Variants in ZNF804B observed in about 807,000 individuals in gnomAD.
ZNF804B encodes zinc finger 804B.
ZNF804B carries 80 observed loss-of-function variants against 101.4 expected under a neutral mutation model. The ratio of observed to expected loss-of-function variants is 0.79; its 90% CI spans 0.66 to 0.95. The LOEUF (loss-of-function observed/expected upper bound fraction) is 0.95. ZNF804B is among the 40% of genes least tolerant of loss of function. The pLI, the probability that ZNF804B is intolerant of heterozygous loss-of-function variation, is 0.00. For synonymous variants in ZNF804B, 622 were observed against 558.8 expected, an observed-to-expected ratio of 1.11 and a Z score of -1.59; for missense variants, 1,673 against 1,561.9, an observed-to-expected ratio of 1.07 and a Z score of -1.20.
At chr7:89,257,271 C>T (rs1257732617) in intron 2 of ZNF804B, among the ~76,000 whole-genome samples, 1 of 152,116 alleles carries the variant, frequency 6.6e-6, no homozygotes, top group Non-Finnish European at 1.5e-5. Context: ...TATCCTTCCA[C>T]GAATTTTTTA....
chr7:88,841,753 C>T (rs1791295427), intron 1 of ZNF804B, among the ~76,000 whole-genome samples: 1 of 152,118 alleles, frequency 6.6e-6, no homozygotes, highest in South Asian at 2.1e-4. Flanking sequence ...TGCTCTCAAA[C>T]CTCACAGTTT....
intron 2 of ZNF804B, among the ~76,000 whole-genome samples, chr7:89,298,652 G>C (rs1790430345): frequency 6.6e-6 from 1 of 151,590 alleles, no homozygotes. Context: ...TTCCTGTGTT[G>C]ACAGCTGTTT....
chr7:88,890,793 A>G (rs956699809), intron 1 of ZNF804B, among the ~76,000 whole-genome samples: 53 of 152,234 alleles, frequency 3.5e-4, no homozygotes, highest in African/African-American at 1.3e-3. Context: ...CAATTTATTC[A>G]TTTTATTATA....
chr7:88,908,965 C>T (rs1792510954), intron 1 of ZNF804B, among the ~76,000 whole-genome samples: 1 of 151,710 alleles, frequency 6.6e-6, no homozygotes, highest in African/African-American at 2.4e-5. Flanking sequence ...ATATATACCA[C>T]TGCAGATGTG....
At chr7:89,169,889 G>A (rs937413586) in intron 1 of ZNF804B, among the ~76,000 whole-genome samples, 6 of 152,098 alleles carry the variant, frequency 3.9e-5, no homozygotes, top group African/African-American at 7.2e-5. Flanking sequence ...CACCTCATCC[G>A]AGCTCTAGAT....
At chr7:89,149,682 T>C (rs1230838922) in intron 1 of ZNF804B, among the ~76,000 whole-genome samples, 1 of 151,928 alleles carries the variant, frequency 6.6e-6, no homozygotes, top group East Asian at 1.9e-4. Flanking sequence ...TCTATTTTCA[T>C]TGTAAGTACT....
At position 89,318,778 on chromosome 7, in the gene ZNF804B, G is replaced by C. The variant is rs114912595; in HGVS notation, c.250-8566G>C. Among the ~76,000 whole-genome samples the C allele has an allele frequency of 7.9e-3, 1,201 of 152,132 alleles. 12 individuals carry two copies. Among genetic ancestry groups the C allele is most frequent in the African/African-American group, 0.028 (1,148 of 41,512 alleles). ...CTCCATTGCTGAGACCAGCTCATTC[G>C]GAGAGACTCTAACCCAGCGGCGCTA... is the stretch of plus-strand genomic sequence containing the variant. On this transcript the variant is annotated intron_variant, in intron 2 of 3. Coordinates refer to ENST00000333190, the MANE Select transcript of ZNF804B (RefSeq NM_181646.5).
At position 89,336,320 on chromosome 7, in the gene ZNF804B, A is replaced by G. The variant is rs748457652; in HGVS notation, c.3338A>G (p.Asn1113Ser). ...ATGCATATAAATCATGTAGAGGGAA[A>G]TATAAACTCTTACTATGACAGAACT... ...VSMHINHVEG[N>S]INSYYDRTMQ... is the part of the protein sequence containing the mutation. Residue 1113 changes from asparagine to serine, a missense_variant, in exon 4 of 4, where the codon AAT becomes AGT. Asn to Ser is a conservative substitution (Grantham distance 46, BLOSUM62 1). Coordinates refer to ENST00000333190, the MANE Select transcript of ZNF804B (RefSeq NM_181646.5). 5.0e-6 allele frequency: 8 copies of G among 1,613,870 alleles called. No individual in the cohort carries two copies.
At chr7:89,129,466 C>G (rs780091607) in intron 1 of ZNF804B, among the ~76,000 whole-genome samples, 1 of 151,894 alleles carries the variant, frequency 6.6e-6, no homozygotes, top group African/African-American at 2.4e-5. Context: ...TGTGCACTTC[C>G]CAAGCAACCT....
chr7:89,107,432 T>C (rs1311288652), intron 1 of ZNF804B, among the ~76,000 whole-genome samples: 1 of 152,148 alleles, frequency 6.6e-6, no homozygotes, highest in African/African-American at 2.4e-5. Flanking sequence ...TTTTCCAGCT[T>C]TCCTATTTCA....
At chr7:88,939,805 G>T (rs1203788231) in intron 1 of ZNF804B, among the ~76,000 whole-genome samples, 1 of 151,458 alleles carries the variant, frequency 6.6e-6, no homozygotes, top group Non-Finnish European at 1.5e-5. Flanking sequence ...CATTGCTAAA[G>T]TGGGTCAGTA....
chr7:89,035,434 T>TA (rs886550462), intron 1 of ZNF804B, among the ~76,000 whole-genome samples: 2 of 152,030 alleles, frequency 1.3e-5, no homozygotes, highest in South Asian at 2.1e-4. Context: ...TGGTGTATTT[T>TA]AAAAAAATCA....
At chr7:89,121,159 A>G (rs7787455) in intron 1 of ZNF804B, among the ~76,000 whole-genome samples, 115,807 of 152,080 alleles carry the variant, frequency 0.76, 44,911 homozygotes, top group African/African-American at 0.92. Flanking sequence ...AGGCTTTATG[A>G]CACATTGGTA....
At position 89,335,730 on chromosome 7, in the gene ZNF804B, A is replaced by C; in HGVS notation, c.2748A>C (p.Ala916=). The stretch of plus-strand genomic sequence containing the variant: ...CAGAAACCACAGAATCAAACACTGC[A>C]GAAGGAGAGAGGACCCCTCTAACAG... The part of the protein sequence containing the change: ...GPSETTESNT[A]EGERTPLTAK... The change falls in exon 4 of 4, where the codon GCA becomes GCC. Residue 916 remains alanine, a synonymous_variant. Coordinates refer to ENST00000333190, the MANE Select transcript of ZNF804B (RefSeq NM_181646.5). 6.2e-7 allele frequency: 1 copy of C among 1,614,096 alleles called. No individual in the cohort carries two copies. The highest frequency in any genetic ancestry group is 8.5e-7 in the Non-Finnish European group (1 of 1,179,982).
intron 1 of ZNF804B, among the ~76,000 whole-genome samples, chr7:88,823,195 A>G (rs564563069): frequency 1.3e-5 from 2 of 152,300 alleles, no homozygotes; most frequent in East Asian, 3.9e-4. Context: ...CGACAGGGTG[A>G]GACTGTCTAA....
intron 1 of ZNF804B, among the ~76,000 whole-genome samples, chr7:88,925,716 G>T (rs541800956): frequency 6.6e-6 from 1 of 152,172 alleles, no homozygotes; most frequent in African/African-American, 2.4e-5. Flanking sequence ...TGCAGCAGCC[G>T]GCTTTGTAGG....
intron 3 of ZNF804B, among the ~76,000 whole-genome samples, chr7:89,332,457 A>AAAG (rs1554321602): frequency 6.6e-6 from 1 of 151,680 alleles, no homozygotes; most frequent in East Asian, 1.9e-4. Flanking sequence ...GGAACAAGAA[A>AAAG]AAGAATGCCA....
chr7:88,874,612 A>G (rs1028443259), intron 1 of ZNF804B, among the ~76,000 whole-genome samples: 2 of 151,984 alleles, frequency 1.3e-5, no homozygotes, highest in African/African-American at 2.4e-5. Context: ...TGGGTTTGTC[A>G]TAGATAGCTC....
intron 2 of ZNF804B, among the ~76,000 whole-genome samples, chr7:89,272,973 G>A (rs1032850843): frequency 2.0e-5 from 3 of 151,932 alleles, no homozygotes; most frequent in Admixed American, 6.6e-5. Context: ...CTATTACATT[G>A]ATTTTCAAAT....
Sources: allele counts gnomAD v4.1 joint callset (sites outside exome capture counted in the v4.1 genomes callset), GRCh38; gene constraint gnomAD v4.1.1; transcripts MANE v1.5; gene names NCBI Gene and HGNC (gene_info 2026-07-23, HGNC 2026-07-21).